The following FRY variants were observed in gnomAD, a reference collection of about 807,000 sequenced individuals.
FRY encodes the protein protein furry homolog.
FRY carries 128 observed loss-of-function variants against 348.4 expected under a neutral mutation model. The observed-to-expected ratio is 0.37, with a 90% confidence interval of 0.32 to 0.43. The LOEUF (loss-of-function observed/expected upper bound fraction) is 0.43, where lower values mean the gene tolerates loss of function less well. FRY is among the 20% of genes least tolerant of loss of function. FRY has a pLI of 1.00. For missense variants in FRY, 2,736 were observed against 3,695.2 expected (o/e 0.74, Z 6.73); for synonymous variants, 1,370 against 1,374.7 (o/e 1.00, Z 0.08).
Position 32,237,767 on chromosome 13 carries a change from TTGAGCAGACTACTG to T in FRY, c.6200_6213del (p.Leu2067CysfsTer7), listed in dbSNP as rs1344854447. 4 of 1,614,190 alleles carry T rather than the reference TTGAGCAGACTACTG, an allele frequency of 2.5e-6. No homozygotes were observed. Among genetic ancestry groups the T allele is most frequent in the Non-Finnish European group, 3.4e-6 (4 of 1,180,020 alleles). ...TGAATACTTAATGGCCTTAAGGCTGTTGAGCAGACTACTGGCACATATGCCACTCGATAAGGCTG... is the reference window on the plus strand; with the variant it reads ...TGAATACTTAATGGCCTTAAGGCTGTGCACATATGCCACTCGATAAGGCTG... On this transcript the variant is annotated frameshift_variant, in exon 44 of 61. Coordinates refer to ENST00000542859, the MANE Select transcript of FRY (RefSeq NM_023037.3). LOFTEE classifies it high-confidence loss of function. This position sits in a 1 kb window ranked among gnomAD's most constrained non-coding sequence, Gnocchi z 6.3.
intron 19 of FRY, among the ~76,000 whole-genome samples, chr13:32,174,743 A>G (rs1326546961): frequency 6.6e-6 from 1 of 152,102 alleles, no homozygotes; most frequent in African/African-American, 2.4e-5. Context: ...TTTTTAAACC[A>G]CTGTCATTCA....
At chr13:32,058,976 A>G (rs534818762) in intron 1 of FRY, among the ~76,000 whole-genome samples, 4 of 152,292 alleles carry the variant, frequency 2.6e-5, no homozygotes, top group East Asian at 1.9e-4. Flanking sequence ...GTTCTTTTTC[A>G]TTGACTCTAA....
At chr13:32,091,880 G>C (rs777901184) in intron 2 of FRY, among the ~76,000 whole-genome samples, 1 of 152,164 alleles carries the variant, frequency 6.6e-6, no homozygotes, top group Non-Finnish European at 1.5e-5. Flanking sequence ...AGAGGACCTA[G>C]GATTCAAACT....
chr13:32,267,166 C>T lies in FRY; in HGVS notation c.7947-4C>T, dbSNP rs777830256. On this transcript the variant is annotated splice_region_variant and splice_polypyrimidine_tract_variant and intron_variant, in intron 54 of 60. Coordinates refer to ENST00000542859, the MANE Select transcript of FRY (RefSeq NM_023037.3). ...CTTGACATAGTCGTTTTCATTTTTTCCAGCTTTGGAGAAGGTGACAGGGGA... is the reference window on the plus strand; with the variant it reads ...CTTGACATAGTCGTTTTCATTTTTTTCAGCTTTGGAGAAGGTGACAGGGGA... The T allele has an allele frequency of 6.7e-6, 9 of 1,343,298 alleles. No homozygotes were observed. The highest frequency in any genetic ancestry group is 2.9e-5 in the East Asian group (1 of 34,142). 83.2% of individuals were successfully genotyped at this position (1,343,298 alleles called of 1,614,324 possible). A position where few individuals can be genotyped will look rare whatever the true frequency, so the allele number is the denominator to read the frequency against.
chr13:32,297,300 A>G lies in FRY; in HGVS notation c.*1840A>G, dbSNP rs1359763844. ...CAACTTGCCTGAAAGATGATTTGCT[A>G]TGATTTGTAGAAACAACTGAATCAT... On this transcript the variant is annotated 3_prime_UTR_variant, in exon 61 of 61. Transcript: ENST00000542859. The G allele has an allele frequency of 1.3e-5, 2 of 152,174 alleles. No homozygotes were observed. The highest frequency in any genetic ancestry group is 4.8e-5 in the African/African-American group (2 of 41,438). 9.4% of individuals were successfully genotyped at this position (152,174 alleles called of 1,614,324 possible). A position where few individuals can be genotyped will look rare whatever the true frequency, so the allele number is the denominator to read the frequency against.
At chr13:32,256,567 AC>A (rs1887351915) in intron 51 of FRY, among the ~76,000 whole-genome samples, 1 of 152,094 alleles carries the variant, frequency 6.6e-6, no homozygotes, top group Non-Finnish European at 1.5e-5. Flanking sequence ...GAAGAAACTC[AC>A]GGGGCTGAGA....
At chr13:32,069,245 C>G (rs1240068680) in intron 1 of FRY, among the ~76,000 whole-genome samples, 1 of 152,118 alleles carries the variant, frequency 6.6e-6, no homozygotes, top group Non-Finnish European at 1.5e-5. Flanking sequence ...GTACTCCTAG[C>G]CTTTCCCAAA....
In FRY at chr13:32,267,325, T is replaced by A; in HGVS notation, c.8102T>A (p.Val2701Glu). ...LMCDSDGSCA[V>E]YTFHVFSSLF... ...TGTGACTCAGATGGCTCCTGTGCTG[T>A]GTATACATTTCATGTGTTCTCCTCC... The change falls in exon 55 of 61, where the codon GTG (valine) becomes GAG (glutamate). Residue 2701 changes from valine to glutamate, a missense_variant. Val to Glu is a moderately radical substitution (Grantham distance 121). Around this residue, in one of 9 missense-constraint regions of FRY, gnomAD observed 789 missense variants for 996.2 expected, o/e 0.79. Transcript: ENST00000542859. The A allele has an allele frequency of 6.2e-7, 1 of 1,614,176 alleles. No homozygotes were observed. Among genetic ancestry groups the A allele is most frequent in the Non-Finnish European group, 8.5e-7 (1 of 1,180,008 alleles).
chr13:32,143,713 G>A (rs1880224397), intron 11 of FRY, among the ~76,000 whole-genome samples: 1 of 152,142 alleles, frequency 6.6e-6, no homozygotes. Context: ...ATTCACAAAG[G>A]AAAAGATGTT....
intron 15 of FRY, 59 bp from the exon 16 acceptor site, chr13:32,157,214 A>C: frequency 6.6e-7 from 1 of 1,507,856 alleles, no homozygotes; most frequent in Non-Finnish European, 9.2e-7. Flanking sequence ...AGGATGAATA[A>C]ATCAGGATAT....
chr13:32,289,024 C>T (rs543656736), intron 58 of FRY, among the ~76,000 whole-genome samples: 2 of 152,282 alleles, frequency 1.3e-5, no homozygotes, highest in South Asian at 4.2e-4. Context: ...CAAGGGCCAT[C>T]GTGTATGATT....
intron 1 of FRY, among the ~76,000 whole-genome samples, chr13:32,068,999 T>C (rs1360829401): frequency 3.5e-5 from 5 of 142,762 alleles, no homozygotes; most frequent in African/African-American, 1.3e-4. Flanking sequence ...CACTGCAAGC[T>C]CCGCCTGCCG....
At chr13:32,094,095 A>G (rs1876519636) in intron 2 of FRY, among the ~76,000 whole-genome samples, 1 of 152,150 alleles carries the variant, frequency 6.6e-6, no homozygotes. Flanking sequence ...TACTTATTTA[A>G]TGCTCTTTAA....
intron 19 of FRY, 78 bp from the exon 20 acceptor site, chr13:32,175,468 A>G (rs984663501): frequency 2.3e-6 from 2 of 859,072 alleles, no homozygotes; most frequent in Admixed American, 1.7e-5. Context: ...GTTCTGCTTC[A>G]TGTATCAGAC....
rs572848802 is a variant in FRY, at chr13:32,182,531, A to G, written c.2997-446A>G. ...TGGTAATTGCACCCATCTCTTTTCC[A>G]CTAATTAGACTGAAAATTTCTTGTG... On this transcript the variant is annotated intron_variant, in intron 23 of 60. Transcript: ENST00000542859. 1.1e-4 allele frequency among the ~76,000 whole-genome samples: 16 copies of G among 152,334 alleles called. No individual in the cohort carries two copies. In the South Asian group the frequency reaches 3.3e-3, roughly 32 times the overall value.
chr13:32,103,691 G>A (rs1300231446), intron 3 of FRY, among the ~76,000 whole-genome samples: 2 of 152,168 alleles, frequency 1.3e-5, no homozygotes, highest in African/African-American at 4.8e-5. Context: ...AGTGCTGGGC[G>A]CAGTGGCTCA....
intron 1 of FRY, among the ~76,000 whole-genome samples, chr13:32,042,814 A>G (rs1008633489): frequency 6.6e-6 from 1 of 152,196 alleles, no homozygotes; most frequent in Non-Finnish European, 1.5e-5. Context: ...GGAATAGCCA[A>G]ATTGACTTAG....
At position 32,237,130 on chromosome 13, in the gene FRY, T is replaced by G. The variant is rs1013494179; in HGVS notation, c.5811-249T>G. On this transcript the variant is annotated intron_variant, in intron 43 of 60. Coordinates refer to ENST00000542859, the MANE Select transcript of FRY (RefSeq NM_023037.3). The surrounding 1 kb of genome is among the most constrained non-coding windows in gnomAD (Gnocchi z 6.3). ...AACATAAATGAAATATCAGTAAACT[T>G]TAAGGCCAATTATTGATTCCTCTAC... 4.6e-5 allele frequency among the ~76,000 whole-genome samples: 7 copies of G among 152,214 alleles called. No individual in the cohort carries two copies. Among genetic ancestry groups the G allele is most frequent in the African/African-American group, 1.7e-4 (7 of 41,452 alleles).
At chr13:32,109,996 G>A (rs1017749314) in intron 3 of FRY, among the ~76,000 whole-genome samples, 1 of 152,180 alleles carries the variant, frequency 6.6e-6, no homozygotes, top group Non-Finnish European at 1.5e-5. Flanking sequence ...AGCAGCTGAT[G>A]CAGGGACATC....
Sources: gnomAD v4.1 joint callset for allele counts (sites outside exome capture counted in the v4.1 genomes callset) on GRCh38, gnomAD v4.1.1 for gene constraint, gnomAD v4.1.1 regional missense constraint, Gnocchi (gnomAD v3.1) non-coding constraint, MANE v1.5 for transcripts, NCBI Gene and HGNC (gene_info 2026-07-23, HGNC 2026-07-21) for gene names.